The following ATRNL1 variants were observed in gnomAD, a reference collection of about 807,000 sequenced individuals.
ATRNL1 encodes the protein attractin-like protein 1.
In ATRNL1, 95 loss-of-function variants were observed where a neutral mutation model predicts 182.7. The ratio of observed to expected loss-of-function variants is 0.52; its 90% CI spans 0.44 to 0.62. The LOEUF (loss-of-function observed/expected upper bound fraction) is 0.62. Ranked by LOEUF, ATRNL1 falls within the 20% of genes least tolerant of loss-of-function variation. The pLI is 0.00. For synonymous variants in ATRNL1, 576 were observed against 568.3 expected, an observed-to-expected ratio of 1.01 and a Z score of -0.19; for missense variants, 1,471 against 1,679.5, an observed-to-expected ratio of 0.88 and a Z score of 2.17.
intron 19 of ATRNL1, among the ~76,000 whole-genome samples, chr10:115,357,888 A>G (rs1395430943): frequency 6.6e-6 from 1 of 151,660 alleles, no homozygotes; most frequent in African/African-American, 2.4e-5. Flanking sequence ...ATTATTTTAA[A>G]TATATTCTCT....
chr10:115,525,612 C>T (rs1851171310), intron 25 of ATRNL1, among the ~76,000 whole-genome samples: 1 of 152,160 alleles, frequency 6.6e-6, no homozygotes, highest in Non-Finnish European at 1.5e-5. Context: ...ATAAACCATT[C>T]CAGCATATCC....
At chr10:115,662,949 G>T (rs1860783598) in intron 26 of ATRNL1, among the ~76,000 whole-genome samples, 1 of 152,042 alleles carries the variant, frequency 6.6e-6, no homozygotes, top group African/African-American at 2.4e-5. Flanking sequence ...AGATTACTTT[G>T]TATTCGCATT....
intron 27 of ATRNL1, among the ~76,000 whole-genome samples, chr10:115,776,095 A>T (rs1021979558): frequency 6.6e-6 from 1 of 152,234 alleles, no homozygotes; most frequent in Non-Finnish European, 1.5e-5. Flanking sequence ...ATTAGTTTGT[A>T]ATCTAGGCAG....
intron 28 of ATRNL1, among the ~76,000 whole-genome samples, chr10:115,936,954 G>A (rs1320281090): frequency 6.6e-6 from 1 of 152,120 alleles, no homozygotes; most frequent in Admixed American, 6.6e-5. Flanking sequence ...TTGTGTCTCC[G>A]AAATCAGTGG....
At chr10:115,400,083 A>G (rs1554956594) in intron 20 of ATRNL1, among the ~76,000 whole-genome samples, 1 of 152,114 alleles carries the variant, frequency 6.6e-6, no homozygotes, top group Admixed American at 6.6e-5. Context: ...CAAATTTACA[A>G]GAAAAAACCA....
At chr10:115,343,503 T>C (rs2134100648) in intron 19 of ATRNL1, among the ~76,000 whole-genome samples, 1 of 152,324 alleles carries the variant, frequency 6.6e-6, no homozygotes, top group South Asian at 2.1e-4. Flanking sequence ...TTTGTTACAT[T>C]CATCTAATAG....
intron 8 of ATRNL1, among the ~76,000 whole-genome samples, chr10:115,171,549 A>T (rs1291551462): frequency 6.6e-6 from 1 of 152,030 alleles, no homozygotes; most frequent in Non-Finnish European, 1.5e-5. Flanking sequence ...TTTTTAAAAA[A>T]ATATGTGAAA....
intron 8 of ATRNL1, among the ~76,000 whole-genome samples, chr10:115,208,155 T>A (rs1848874659): frequency 6.6e-6 from 1 of 152,076 alleles, no homozygotes; most frequent in African/African-American, 2.4e-5. Flanking sequence ...GGCATTCTAT[T>A]TCATTTATAG....
chr10:115,319,161 A>G (rs782491045), intron 18 of ATRNL1, among the ~76,000 whole-genome samples: 5 of 152,218 alleles, frequency 3.3e-5, no homozygotes, highest in Non-Finnish European at 7.4e-5. Context: ...AGAGTCATTC[A>G]GGAGCAGGTT....
chr10:115,389,534 GTA>G (rs545003063), intron 19 of ATRNL1, among the ~76,000 whole-genome samples: 703 of 57,566 alleles, frequency 0.012, 62 homozygotes, highest in African/African-American at 0.044. Context: ...ATTCAAATGT[GTA>G]TGTGTATATA....
intron 5 of ATRNL1, among the ~76,000 whole-genome samples, chr10:115,150,033 G>A (rs1846148650): frequency 6.6e-6 from 1 of 151,878 alleles, no homozygotes; most frequent in Non-Finnish European, 1.5e-5. Context: ...TTAATGGTCT[G>A]TTTAGGTTGT....
intron 28 of ATRNL1, among the ~76,000 whole-genome samples, chr10:115,915,715 C>G (rs545064907): frequency 6.6e-6 from 1 of 152,232 alleles, no homozygotes; most frequent in East Asian, 1.9e-4. Context: ...TCCAAAGTAT[C>G]AGGTTCTAAA....
intron 17 of ATRNL1, among the ~76,000 whole-genome samples, chr10:115,309,315 A>G (rs1853897662): frequency 6.6e-6 from 1 of 151,892 alleles, no homozygotes; most frequent in Non-Finnish European, 1.5e-5. Flanking sequence ...GTGAGAAGTG[A>G]TGTTGGTGAT....
intron 8 of ATRNL1, among the ~76,000 whole-genome samples, chr10:115,204,542 A>G (rs1392806836): frequency 5.3e-5 from 8 of 152,136 alleles, no homozygotes; most frequent in African/African-American, 1.4e-4. Flanking sequence ...TATTGAGATG[A>G]TAATAGAATT....
chr10:115,649,779 G>A (rs1281319292), intron 26 of ATRNL1, among the ~76,000 whole-genome samples: 1 of 152,124 alleles, frequency 6.6e-6, no homozygotes, highest in African/African-American at 2.4e-5. Flanking sequence ...ATAAACTGTT[G>A]CATTAAGGTC....
chr10:115,373,195 T>A (rs1325466663), intron 19 of ATRNL1, among the ~76,000 whole-genome samples: 1 of 152,126 alleles, frequency 6.6e-6, no homozygotes, highest in African/African-American at 2.4e-5. Flanking sequence ...GAAATGCTGC[T>A]GATTTTTGTA....
chr10:115,908,617 C>T (rs1321168215), intron 28 of ATRNL1, among the ~76,000 whole-genome samples: 2 of 152,188 alleles, frequency 1.3e-5, no homozygotes, highest in Non-Finnish European at 2.9e-5. Context: ...AATTCCAAGG[C>T]TTAGTACATG....
At chr10:115,882,239 G>A (rs1385391669) in intron 28 of ATRNL1, among the ~76,000 whole-genome samples, 2 of 152,192 alleles carry the variant, frequency 1.3e-5, no homozygotes, top group African/African-American at 4.8e-5. Context: ...GAGCAAATAA[G>A]CACATGCATT....
chr10:115,355,362 G>A (rs529962521), intron 19 of ATRNL1, among the ~76,000 whole-genome samples: 30 of 152,232 alleles, frequency 2.0e-4, no homozygotes, highest in African/African-American at 7.2e-4. Flanking sequence ...TAGCACTAGA[G>A]GGAGCCCTAA....
Sources: gnomAD v4.1 joint callset for allele counts (sites outside exome capture counted in the v4.1 genomes callset) on GRCh38, gnomAD v4.1.1 for gene constraint, MANE v1.5 for transcripts, NCBI Gene and HGNC (gene_info 2026-07-23, HGNC 2026-07-21) for gene names.